NXPE4: variants seen among roughly 807,000 people sequenced by gnomAD.
The protein encoded by NXPE4 is NXPE family member 4.
In NXPE4, 42 loss-of-function variants were observed where a neutral mutation model predicts 33.3. The observed-to-expected ratio is 1.26, with a 90% CI of 0.98 to 1.63. The LOEUF (loss-of-function observed/expected upper bound fraction) is 1.63, where lower values mean the gene tolerates loss of function less well. Ranked by LOEUF, NXPE4 falls within the 40% of genes most tolerant of loss-of-function variation. NXPE4 has a pLI of 0.00. For missense variants in NXPE4, 709 were observed against 647.6 expected (o/e 1.09, Z -1.03); for synonymous variants, 253 against 234.9 (o/e 1.08, Z -0.71).
the NXPE4 span, among the ~76,000 whole-genome samples, chr11:114,639,405 A>T: frequency 6.6e-6 from 1 of 151,374 alleles, no homozygotes; most frequent in Non-Finnish European, 1.5e-5. Context: ...GAACTCCCTG[A>T]CCCCTTGCGC....
intron 4 of NXPE4, 49 bp from the exon 5 acceptor site, chr11:114,580,387 G>T: frequency 6.5e-7 from 1 of 1,527,678 alleles, no homozygotes; most frequent in Non-Finnish European, 9.0e-7. Context: ...CAAATTACCC[G>T]TCAGTATGTA....
At position 114,581,425 on chromosome 11, in the gene NXPE4, G is replaced by T. The variant is rs139117793; in HGVS notation, c.892+300C>A. On this transcript the variant is annotated intron_variant, in intron 4 of 5. Transcript: ENST00000375478. ...AAGAGAGGTGTTGTGGTGAGGTAAAGAAGTGGGTATAGAATTGGGAAAGAG... is the reference window on the plus strand; with the variant it reads ...AAGAGAGGTGTTGTGGTGAGGTAAATAAGTGGGTATAGAATTGGGAAAGAG... Among the ~76,000 whole-genome samples, 701 of 152,290 alleles carry T rather than the reference G, an allele frequency of 4.6e-3. 4 individuals carry two copies. The highest frequency in any genetic ancestry group is 0.015 in the African/African-American group (618 of 41,550).
chr11:114,636,065 G>T, the NXPE4 span, among the ~76,000 whole-genome samples: 3 of 146,258 alleles, frequency 2.1e-5, no homozygotes, highest in Non-Finnish European at 3.0e-5. Flanking sequence ...TGTACCTCTG[G>T]TAGAATTCGA....
At chr11:114,623,065 G>A in the NXPE4 span, among the ~76,000 whole-genome samples, 4 of 152,284 alleles carry the variant, frequency 2.6e-5, no homozygotes, top group South Asian at 4.1e-4. Context: ...TGCCTTGAGG[G>A]TAACCACTGT....
the NXPE4 span, among the ~76,000 whole-genome samples, chr11:114,660,032 C>A: frequency 1.3e-5 from 2 of 151,986 alleles, no homozygotes; most frequent in African/African-American, 4.8e-5. Flanking sequence ...TCTATAAATT[C>A]TACAACTCAA....
chr11:114,586,929 A>AT (rs1188451017), intron 2 of NXPE4, among the ~76,000 whole-genome samples: 1 of 151,882 alleles, frequency 6.6e-6, no homozygotes, highest in Admixed American at 6.6e-5. Flanking sequence ...CGTTTTTGTG[A>AT]TTTTCTAGGC....
chr11:114,610,860 G>C, the NXPE4 span, among the ~76,000 whole-genome samples: 1 of 151,896 alleles, frequency 6.6e-6, no homozygotes, highest in East Asian at 1.9e-4. Context: ...GGTAACCACT[G>C]TTCCCCGGGG....
chr11:114,597,798 C>A (rs1023845070), upstream of NXPE4, among the ~76,000 whole-genome samples: 7 of 151,968 alleles, frequency 4.6e-5, no homozygotes. Context: ...TCCTGATGAC[C>A]AAAGTTGCAA....
Position 114,578,026 on chromosome 11 carries a change from G to A in NXPE4, c.1099+2106C>T, listed in dbSNP as rs1172260851. ...TGACACATGAATAGAATAAAATGAAGTTCTTCCATTTTCATCACATTAATT... is the reference window on the plus strand; with the variant it reads ...TGACACATGAATAGAATAAAATGAAATTCTTCCATTTTCATCACATTAATT... On this transcript the variant is annotated intron_variant, in intron 5 of 5. Coordinates refer to ENST00000375478, the MANE Select transcript of NXPE4 (RefSeq NM_001077639.2). Among the ~76,000 whole-genome samples the A allele has an allele frequency of 3.9e-5, 6 of 152,280 alleles. No homozygotes were observed. In the South Asian group the frequency reaches 1.2e-3, roughly 32 times the overall value.
the NXPE4 span, among the ~76,000 whole-genome samples, chr11:114,635,601 T>C: frequency 6.6e-6 from 1 of 152,084 alleles, no homozygotes; most frequent in East Asian, 1.9e-4. Context: ...GGCTGTGGGT[T>C]TGTCATAGAT....
chr11:114,600,659 C>A (rs540244447), upstream of NXPE4, among the ~76,000 whole-genome samples: 5 of 152,082 alleles, frequency 3.3e-5, no homozygotes. Context: ...AATTTGAGAT[C>A]CTGGATTGGG....
intron 2 of NXPE4, 58 bp downstream of exon 2, chr11:114,594,606 G>T: frequency 1.8e-6 from 2 of 1,095,856 alleles, no homozygotes; most frequent in African/African-American, 1.6e-5. Flanking sequence ...TCCTAGAACA[G>T]ATGAGGTAAT....
chr11:114,580,213 A>G lies in NXPE4; in HGVS notation c.1018T>C (p.Cys340Arg), dbSNP rs766839567. 6.2e-7 allele frequency: 1 copy of G among 1,614,090 alleles called. No homozygotes were observed. Among genetic ancestry groups the G allele is most frequent in the Non-Finnish European group, 8.5e-7 (1 of 1,179,946 alleles). Residue 340 changes from cysteine (C) to arginine (R), a missense_variant, in exon 5 of 6, where the codon TGC becomes CGC. Coordinates refer to ENST00000375478, the MANE Select transcript of NXPE4 (RefSeq NM_001077639.2). ...CSLATVKMKE[C>R]LRGKLIYLMG... Reference sequence around the variant, plus strand: ...AGGTATATGAGTTTTCCTCTCAGGCATTCCTTCATTTTGACTGTAGCCAAA... The same window carrying G: ...AGGTATATGAGTTTTCCTCTCAGGCGTTCCTTCATTTTGACTGTAGCCAAA...
chr11:114,625,312 TAA>T, the NXPE4 span, among the ~76,000 whole-genome samples: 1 of 152,144 alleles, frequency 6.6e-6, no homozygotes, highest in Non-Finnish European at 1.5e-5. Context: ...CAGTGGATAA[TAA>T]GTGTTGCACT....
the NXPE4 span, among the ~76,000 whole-genome samples, chr11:114,644,391 T>C: frequency 6.6e-6 from 1 of 152,164 alleles, no homozygotes; most frequent in South Asian, 2.1e-4. Flanking sequence ...GGCTGTGGGT[T>C]TGTCATAAAT....
chr11:114,621,877 GATA>G, the NXPE4 span, among the ~76,000 whole-genome samples: 2 of 151,796 alleles, frequency 1.3e-5, no homozygotes, highest in African/African-American at 2.4e-5. Flanking sequence ...TTACCTGCTG[GATA>G]ATAAGTATTG....
the NXPE4 span, among the ~76,000 whole-genome samples, chr11:114,663,438 G>A: frequency 5.9e-5 from 9 of 152,040 alleles, no homozygotes; most frequent in African/African-American, 1.9e-4. Context: ...AAATAAAATG[G>A]GGGTTGTCTT....
chr11:114,612,614 A>G, the NXPE4 span, among the ~76,000 whole-genome samples: 2 of 151,894 alleles, frequency 1.3e-5, no homozygotes, highest in Non-Finnish European at 2.9e-5. Flanking sequence ...AACCAGAGTT[A>G]CCCTGTGGAT....
intron 3 of NXPE4, among the ~76,000 whole-genome samples, 171 bp from the exon 4 acceptor site, chr11:114,581,957 T>C (rs982524542): frequency 1.3e-5 from 2 of 152,234 alleles, no homozygotes; most frequent in African/African-American, 4.8e-5. Flanking sequence ...GGCTATGGGA[T>C]ACAGTTACCC....
Sources: gnomAD v4.1 joint callset for allele counts (sites outside exome capture counted in the v4.1 genomes callset) on GRCh38, gnomAD v4.1.1 for gene constraint, MANE v1.5 for transcripts, NCBI Gene and HGNC (gene_info 2026-07-23, HGNC 2026-07-21) for gene names.